The following FOXP2 variants were observed in gnomAD, a reference collection of about 807,000 sequenced individuals.
FOXP2 encodes forkhead box P2, also known as forkhead box protein P2.
In FOXP2, 12 loss-of-function variants were observed where a neutral mutation model predicts 115.8. That is an observed-to-expected ratio of 0.10 (90% CI 0.07 to 0.17). The LOEUF is 0.17. Ranked by LOEUF, FOXP2 falls within the 10% of genes least tolerant of loss-of-function variation. The pLI is 1.00. For missense variants in FOXP2, 629 were observed against 843.5 expected (o/e 0.75, Z 3.15); for synonymous variants, 328 against 297.7 (o/e 1.10, Z -1.05).
chr7:114,263,046 C>A (rs181853494), intron 1 of FOXP2, among the ~76,000 whole-genome samples: 1 of 152,226 alleles, frequency 6.6e-6, no homozygotes, highest in Admixed American at 6.5e-5. Context: ...AAAGAAGGGT[C>A]TTTTCTTTTG....
chr7:114,113,220 A>G (rs781664809), intron 1 of FOXP2, among the ~76,000 whole-genome samples: 1 of 152,150 alleles, frequency 6.6e-6, no homozygotes, highest in Non-Finnish European at 1.5e-5. Context: ...AGAAGAAATA[A>G]AAAAAGACCA....
intron 1 of FOXP2, among the ~76,000 whole-genome samples, chr7:114,423,366 C>A (rs1204446632): frequency 6.6e-6 from 1 of 151,176 alleles, no homozygotes; most frequent in Non-Finnish European, 1.5e-5. Context: ...CAGTGACTTG[C>A]TTAAAAAAGA....
chr7:114,235,061 C>T (rs756521546), intron 1 of FOXP2, among the ~76,000 whole-genome samples: 4 of 151,640 alleles, frequency 2.6e-5, no homozygotes, highest in African/African-American at 4.9e-5. Flanking sequence ...CCTTCAATGA[C>T]GGGTGAGAAA....
chr7:114,124,939 T>C (rs1791666484), intron 1 of FOXP2, among the ~76,000 whole-genome samples: 2 of 152,102 alleles, frequency 1.3e-5, no homozygotes, highest in African/African-American at 4.8e-5. Context: ...TTTACTGATT[T>C]TTAAGGACAA....
chr7:114,179,349 T>C (rs1197180980), intron 1 of FOXP2, among the ~76,000 whole-genome samples: 1 of 152,004 alleles, frequency 6.6e-6, no homozygotes, highest in Non-Finnish European at 1.5e-5. Flanking sequence ...ATTGTTTATA[T>C]GCAGATCCTT....
intron 16 of FOXP2, among the ~76,000 whole-genome samples, chr7:114,682,566 G>A (rs142428849): frequency 2.6e-4 from 39 of 152,162 alleles, no homozygotes; most frequent in African/African-American, 8.2e-4. Flanking sequence ...GTAACACATG[G>A]CACCTTGAGG....
chr7:114,569,774 T>G (rs1053988208), intron 3 of FOXP2, among the ~76,000 whole-genome samples: 2 of 151,968 alleles, frequency 1.3e-5, no homozygotes, highest in Non-Finnish European at 2.9e-5. Context: ...GAAAATGGCA[T>G]GTAGTCATGT....
intron 16 of FOXP2, among the ~76,000 whole-genome samples, chr7:114,681,951 G>A (rs1248963228): frequency 6.6e-6 from 1 of 152,020 alleles, no homozygotes; most frequent in African/African-American, 2.4e-5. Flanking sequence ...ATTAATTTCT[G>A]TATTTATACC....
chr7:114,610,296 TTGAA>T (rs1199824925), intron 3 of FOXP2, among the ~76,000 whole-genome samples: 3 of 152,176 alleles, frequency 2.0e-5, no homozygotes, highest in Non-Finnish European at 4.4e-5. Context: ...TGATTGAGCT[TTGAA>T]TGGTAAAACT....
At chr7:114,464,434 A>G (rs1484022023) in intron 2 of FOXP2, among the ~76,000 whole-genome samples, 1 of 152,230 alleles carries the variant, frequency 6.6e-6, no homozygotes, top group Non-Finnish European at 1.5e-5. Context: ...TGACTAAGGA[A>G]AAAAGAAAAA....
At chr7:114,304,710 G>GA (rs1796968648) in intron 2 of FOXP2, among the ~76,000 whole-genome samples, 1 of 145,944 alleles carries the variant, frequency 6.9e-6, no homozygotes, top group Non-Finnish European at 1.5e-5. Context: ...TGTGCATGTG[G>GA]AAATTTCATA....
chr7:114,260,002 G>T (rs1795709214), intron 1 of FOXP2, among the ~76,000 whole-genome samples: 1 of 151,966 alleles, frequency 6.6e-6, no homozygotes, highest in Admixed American at 6.6e-5. Flanking sequence ...CGGTTCTCTT[G>T]CCTCAGCCTT....
intron 1 of FOXP2, among the ~76,000 whole-genome samples, chr7:114,254,642 A>T (rs1447367969): frequency 6.6e-6 from 1 of 151,890 alleles, no homozygotes; most frequent in African/African-American, 2.4e-5. Context: ...TTTCAGCTCC[A>T]TCAGTTCATT....
chr7:114,190,078 A>G (rs1359137261), intron 1 of FOXP2, among the ~76,000 whole-genome samples: 1 of 152,220 alleles, frequency 6.6e-6, no homozygotes, highest in Non-Finnish European at 1.5e-5. Flanking sequence ...AGGAAAAGAT[A>G]TTACTTAAGT....
chr7:114,677,055 A>C (rs1402736292), intron 16 of FOXP2, among the ~76,000 whole-genome samples: 1 of 151,914 alleles, frequency 6.6e-6, no homozygotes, highest in Non-Finnish European at 1.5e-5. Context: ...AGTCCCAGCT[A>C]CTCAGGAGGC....
chr7:114,660,593 G>A (rs774193749), intron 13 of FOXP2, among the ~76,000 whole-genome samples: 30 of 152,088 alleles, frequency 2.0e-4, no homozygotes, highest in Admixed American at 7.2e-4. Flanking sequence ...TTTACAAAAT[G>A]TTTAGATGTT....
intron 3 of FOXP2, among the ~76,000 whole-genome samples, chr7:114,550,268 C>T (rs1190847770): frequency 1.3e-5 from 2 of 151,936 alleles, no homozygotes; most frequent in Non-Finnish European, 2.9e-5. Context: ...CAGGCGCCCT[C>T]CACCACGCCC....
At chr7:114,561,823 T>C (rs1800773402) in intron 3 of FOXP2, among the ~76,000 whole-genome samples, 1 of 152,160 alleles carries the variant, frequency 6.6e-6, no homozygotes, top group Non-Finnish European at 1.5e-5. Context: ...ATGGTCTTTC[T>C]CTATAGCCCA....
At chr7:114,433,583 A>G (rs978225644) in intron 2 of FOXP2, among the ~76,000 whole-genome samples, 17 of 152,106 alleles carry the variant, frequency 1.1e-4, no homozygotes, top group Admixed American at 9.2e-4. Flanking sequence ...TATTTATCGT[A>G]GTCTTGGAAA....
Sources: allele counts gnomAD v4.1 joint callset (sites outside exome capture counted in the v4.1 genomes callset), GRCh38; gene constraint gnomAD v4.1.1; transcripts MANE v1.5; gene names NCBI Gene and HGNC (gene_info 2026-07-23, HGNC 2026-07-21).